SH3PXD2B: variants seen among roughly 807,000 people sequenced by gnomAD.
SH3PXD2B encodes the protein SH3 and PX domains 2B, also known as SH3 and PX domain-containing protein 2B.
A neutral mutation model predicts 73.1 loss-of-function variants in SH3PXD2B; 37 were observed. That is an observed-to-expected ratio of 0.51 (90% CI 0.39 to 0.67). The LOEUF (loss-of-function observed/expected upper bound fraction) is 0.67, where lower values mean the gene tolerates loss of function less well. SH3PXD2B is among the 30% of genes least tolerant of loss of function. The pLI is 0.00. For synonymous variants in SH3PXD2B, 457 were observed against 480.5 expected (o/e 0.95, Z 0.64); for missense variants, 1,053 against 1,197.8 (o/e 0.88, Z 1.78).
downstream of SH3PXD2B, among the ~76,000 whole-genome samples, chr5:172,331,424 A>C (rs757024855): frequency 1.6e-4 from 25 of 152,216 alleles, no homozygotes; most frequent in Non-Finnish European, 2.5e-4. Context: ...GTGAATCATT[A>C]AGGTCATTAA....
At chr5:172,405,874 T>A (rs533447005) in intron 3 of SH3PXD2B, among the ~76,000 whole-genome samples, 1 of 152,320 alleles carries the variant, frequency 6.6e-6, no homozygotes, top group South Asian at 2.1e-4. Context: ...TTCGAATTAT[T>A]CCCATTTTAG....
intron 1 of SH3PXD2B, among the ~76,000 whole-genome samples, chr5:172,448,385 T>C (rs923887247): frequency 6.6e-6 from 1 of 152,158 alleles, no homozygotes; most frequent in South Asian, 2.1e-4. Flanking sequence ...GAGTCTCCCT[T>C]TGTCACCCAG....
downstream of SH3PXD2B, among the ~76,000 whole-genome samples, chr5:172,330,650 C>T (rs1317872621): frequency 2.0e-5 from 3 of 152,156 alleles, no homozygotes; most frequent in Non-Finnish European, 4.4e-5. Flanking sequence ...AAATTCCTAT[C>T]GACATTTGTT....
chr5:172,403,791 G>A (rs903492610), intron 3 of SH3PXD2B, among the ~76,000 whole-genome samples: 27 of 152,320 alleles, frequency 1.8e-4, no homozygotes, highest in African/African-American at 5.5e-4. Context: ...CATTTAAGGA[G>A]GACTCTAACA....
chr5:172,454,343 G>C lies in SH3PXD2B; in HGVS notation c.10C>G (p.Arg4Gly). 6.5e-7 allele frequency: 1 copy of C among 1,528,336 alleles called. No homozygotes were observed. The highest frequency in any genetic ancestry group is 8.8e-7 in the Non-Finnish European group (1 of 1,140,850). 94.7% of individuals were successfully genotyped at this position (1,528,336 alleles called of 1,614,324 possible). A position where few individuals can be genotyped will look rare whatever the true frequency, so the allele number is the denominator to read the frequency against. Residue 4 changes from arginine (R) to glycine (G), a missense_variant, in exon 1 of 13, where the codon CGG becomes GGG. By Grantham distance (125) the Arg-to-Gly change is moderately radical (BLOSUM62 -2). Coordinates refer to ENST00000311601, the MANE Select transcript of SH3PXD2B (RefSeq NM_001017995.3). MPP[R>G]RSIVEVKVLD... ...ACCTTCACCTCCACGATGCTGCGCC[G>C]CGGCGGCATGGCCGCTCCTCCGCCC...
Position 172,368,556 on chromosome 5 carries a change from AT to A in SH3PXD2B, c.427+5233del, listed in dbSNP as rs1561908210. 4.4e-3 allele frequency among the ~76,000 whole-genome samples: 104 copies of A among 23,638 alleles called. 6 individuals are homozygous for A. Among genetic ancestry groups the A allele is most frequent in the African/African-American group, 0.012 (35 of 2,940 alleles). 15.5% of individuals were successfully genotyped at this position (23,638 alleles called of 152,430 possible). On this transcript the variant is annotated intron_variant, in intron 6 of 12. Coordinates refer to ENST00000311601, the MANE Select transcript of SH3PXD2B (RefSeq NM_001017995.3). Reference sequence around the variant, plus strand: ...TATATATATAAAATATATATATATTATATATATATAAAATATGTTATATATA... The same window carrying A: ...TATATATATAAAATATATATATATTAATATATATAAAATATGTTATATATA...
chr5:172,381,914 C>T, intron 5 of SH3PXD2B, 122 bp downstream of exon 5: 1 of 692,980 alleles, frequency 1.4e-6, no homozygotes. Flanking sequence ...GAAGTGCGGT[C>T]TCACAGGGGC....
At chr5:172,448,466 G>C (rs533400908) in intron 1 of SH3PXD2B, among the ~76,000 whole-genome samples, 1 of 152,248 alleles carries the variant, frequency 6.6e-6, no homozygotes, top group African/African-American at 2.4e-5. Flanking sequence ...TTTATTGAGT[G>C]CCTTTTATAC....
chr5:172,336,539 G>C lies in SH3PXD2B; in HGVS notation c.*1830C>G. 2.0e-6 allele frequency: 2 copies of C among 986,092 alleles called. No homozygotes were observed. Among genetic ancestry groups the C allele is most frequent in the Non-Finnish European group, 2.4e-6 (2 of 830,056 alleles). The allele number at this position is 986,092 out of a possible 1,614,324, so 61.1% of individuals were successfully genotyped here. ...GCAGCCAGCACCCACGTGATAGGGGGTGGAGCTGGGAGGCGCGGCAGAAGA... is the reference window on the plus strand; with the variant it reads ...GCAGCCAGCACCCACGTGATAGGGGCTGGAGCTGGGAGGCGCGGCAGAAGA... On this transcript the variant is annotated 3_prime_UTR_variant, in exon 13 of 13. Coordinates refer to ENST00000311601, the MANE Select transcript of SH3PXD2B (RefSeq NM_001017995.3).
rs148268201 is a variant in SH3PXD2B, at chr5:172,335,011, C to T, written c.*3358G>A. 158 of 985,446 alleles carry T rather than the reference C, an allele frequency of 1.6e-4. No individual in the cohort carries two copies. In the East Asian group the frequency reaches 6.9e-3, roughly 43 times the overall value. The allele number at this position is 985,446 out of a possible 1,614,324, so 61.0% of individuals were successfully genotyped here. On this transcript the variant is annotated 3_prime_UTR_variant, in exon 13 of 13. Coordinates refer to ENST00000311601, the MANE Select transcript of SH3PXD2B (RefSeq NM_001017995.3). Reference sequence around the variant, plus strand: ...CCCAGTAGGGAAGGGCCATTAAAAGCGGTTTAAGCTGGAGCTCAGCTCTCC... The same window carrying T: ...CCCAGTAGGGAAGGGCCATTAAAAGTGGTTTAAGCTGGAGCTCAGCTCTCC...
chr5:172,386,728 C>T (rs750768763), intron 4 of SH3PXD2B, among the ~76,000 whole-genome samples: 10 of 152,066 alleles, frequency 6.6e-5, no homozygotes, highest in African/African-American at 9.7e-5. Flanking sequence ...CTCCTGGGCT[C>T]GAGATCCTCC....
Position 172,339,526 on chromosome 5 carries a change from C to T in SH3PXD2B, c.1579G>A (p.Glu527Lys). Residue 527 changes from glutamate to lysine, a missense_variant, in exon 13 of 13, where the codon GAA becomes AAA. Around this residue, in one of 2 missense-constraint regions of SH3PXD2B, gnomAD observed 587 missense variants for 590.7 expected, o/e 0.99. Transcript: ENST00000311601. The surrounding 1 kb of genome is among the most constrained non-coding windows in gnomAD (Gnocchi z 6.1). ...TCCCCCTCCGACTTGATGATGGATTCTTTCCGCGGAGGGAGGCTGGGCTTC... is the reference window on the plus strand; with the variant it reads ...TCCCCCTCCGACTTGATGATGGATTTTTTCCGCGGAGGGAGGCTGGGCTTC... ...EEKPSLPPRK[E>K]SIIKSEGELL... 1 of 1,614,156 alleles carries T rather than the reference C, an allele frequency of 6.2e-7. No individual in the cohort carries two copies. The highest frequency in any genetic ancestry group is 8.5e-7 in the Non-Finnish European group (1 of 1,180,028).
intron 12 of SH3PXD2B, among the ~76,000 whole-genome samples, chr5:172,327,595 GTTTA>G (rs997443792): frequency 2.6e-5 from 4 of 152,124 alleles, no homozygotes; most frequent in African/African-American, 4.8e-5. Flanking sequence ...CCAATAGACA[GTTTA>G]TTTATTTTAG....
chr5:172,328,960 A>G (rs1034146039), downstream of SH3PXD2B, among the ~76,000 whole-genome samples: 1 of 150,874 alleles, frequency 6.6e-6, no homozygotes, highest in Non-Finnish European at 1.5e-5. Flanking sequence ...CATGACATTT[A>G]TTTATTAATC....
downstream of SH3PXD2B, among the ~76,000 whole-genome samples, chr5:172,328,936 G>C (rs951636663): frequency 6.6e-6 from 1 of 151,470 alleles, no homozygotes; most frequent in Non-Finnish European, 1.5e-5. Flanking sequence ...AGTTTCCCAC[G>C]TAACAATATT....
At chr5:172,356,229 T>C (rs2436415) in intron 8 of SH3PXD2B, among the ~76,000 whole-genome samples, 67,063 of 151,880 alleles carry the variant, frequency 0.44, 15,216 homozygotes, top group East Asian at 0.68. Context: ...GCTGTCATCA[T>C]GAGAGAATGG....
At chr5:172,352,815 C>T (rs1757186145) in intron 9 of SH3PXD2B, among the ~76,000 whole-genome samples, 2 of 152,222 alleles carry the variant, frequency 1.3e-5, no homozygotes, top group Admixed American at 1.3e-4. Context: ...CCATGTGGAA[C>T]TGTAAATCCA....
At chr5:172,346,376 C>A in intron 11 of SH3PXD2B, 115 bp from the exon 12 acceptor site, 1 of 1,521,534 alleles carries the variant, frequency 6.6e-7, no homozygotes, top group Non-Finnish European at 9.0e-7. Flanking sequence ...GTGCTGGGGA[C>A]CTAGTTGGAT....
At chr5:172,454,190 G>C in intron 1 of SH3PXD2B, 88 bp downstream of exon 1, 1 of 1,152,496 alleles carries the variant, frequency 8.7e-7, no homozygotes, top group Non-Finnish European at 1.2e-6. Context: ...GGGAAGCGCT[G>C]GAGGCAGAAG....
Sources: gnomAD v4.1 joint callset for allele counts (sites outside exome capture counted in the v4.1 genomes callset) on GRCh38, gnomAD v4.1.1 for gene constraint, gnomAD v4.1.1 regional missense constraint, Gnocchi (gnomAD v3.1) non-coding constraint, MANE v1.5 for transcripts, NCBI Gene and HGNC (gene_info 2026-07-23, HGNC 2026-07-21) for gene names.